The following MIER1 variants were observed in gnomAD, a reference collection of about 807,000 sequenced individuals.
MIER1 encodes the protein MIER1 transcriptional regulator.
MIER1 carries 40 observed loss-of-function variants against 75.7 expected under a neutral mutation model. That is an observed-to-expected ratio of 0.53 (90% confidence interval 0.41 to 0.69). The LOEUF (loss-of-function observed/expected upper bound fraction) is 0.69. MIER1 is among the 30% of genes least tolerant of loss of function. The probability of loss-of-function intolerance (pLI) is 0.00; values close to 1 mark genes in which losing one functional copy is unlikely to be tolerated. For synonymous variants in MIER1, 213 were observed against 223.4 expected, an observed-to-expected ratio of 0.95 and a Z score of 0.42; for missense variants, 574 against 680.2, an observed-to-expected ratio of 0.84 and a Z score of 1.74.
rs763345140 is a variant in MIER1 at position 66,981,905 on chromosome 1, T to G, written c.1356T>G (p.Thr452=). The change falls in exon 13 of 14, where the codon ACT becomes ACG. Residue 452 remains threonine (T), a synonymous_variant. Transcript: ENST00000401041. The part of the protein sequence containing the change: ...QSEKEDGTVS[T]ANQNGVSSNG... ...AGAAAGAAGATGGCACTGTAAGCAC[T>G]GCTAATCAAAATGGTAAGCAACCAG... is the stretch of plus-strand genomic sequence containing the variant. The G allele has an allele frequency of 4.3e-6, 7 of 1,613,708 alleles. No individual in the cohort carries two copies. In the Admixed American group the frequency reaches 1.0e-4, roughly 23 times the overall value.
chr1:66,926,230 G>A lies in MIER1; in HGVS notation c.156G>A (p.Thr52=). Residue 52 remains threonine (T), a synonymous_variant, in exon 2 of 14, where the codon ACG becomes ACA. Transcript: ENST00000401041. ...TNWLRFNADK[T]DVMLPSVESS... The stretch of plus-strand genomic sequence containing the variant: ...GGTTGAGGTTCAATGCAGACAAGAC[G>A]GATGTGATGCTGGTAGGCAGGGGTA... 6.2e-7 allele frequency: 1 copy of A among 1,612,882 alleles called. No homozygotes were observed. Among genetic ancestry groups the A allele is most frequent in the African/African-American group, 1.3e-5 (1 of 75,000 alleles).
intron 10 of MIER1, among the ~76,000 whole-genome samples, 167 bp from the exon 11 acceptor site, chr1:66,972,730 A>G (rs983959241): frequency 6.6e-6 from 1 of 152,058 alleles, no homozygotes; most frequent in Non-Finnish European, 1.5e-5. Context: ...AAATCTTATT[A>G]AATAAGGAAT....
intron 8 of MIER1, among the ~76,000 whole-genome samples, chr1:66,970,100 T>A (rs1228366374): frequency 6.7e-6 from 1 of 149,206 alleles, no homozygotes; most frequent in Admixed American, 6.6e-5. Flanking sequence ...CATTTGGAAT[T>A]CCACAGGCTT....
intron 12 of MIER1, among the ~76,000 whole-genome samples, chr1:66,978,209 A>G (rs12040556): frequency 4.7e-5 from 7 of 149,464 alleles, no homozygotes; most frequent in Admixed American, 1.3e-4. Context: ...AAAAAAAAAA[A>G]AAAGATGTGC....
intron 4 of MIER1, among the ~76,000 whole-genome samples, chr1:66,949,652 C>G (rs1658467133): frequency 6.6e-6 from 1 of 152,142 alleles, no homozygotes; most frequent in African/African-American, 2.4e-5. Flanking sequence ...GTTGGATTTC[C>G]TAGAGTTATT....
chr1:66,931,386 C>T (rs1244490257), intron 2 of MIER1, among the ~76,000 whole-genome samples: 1 of 152,014 alleles, frequency 6.6e-6, no homozygotes, highest in Non-Finnish European at 1.5e-5. Context: ...TTCTTTATTC[C>T]TGAGAGTTCG....
chr1:66,984,033 C>T (rs1225324790), intron 13 of MIER1, among the ~76,000 whole-genome samples: 1 of 152,168 alleles, frequency 6.6e-6, no homozygotes, highest in Non-Finnish European at 1.5e-5. Context: ...CTTGTGTGAT[C>T]TTTTAAAGTA....
Position 66,950,504 on chromosome 1 carries a change from A to G in MIER1, c.339+4209A>G, listed in dbSNP as rs985291856. On this transcript the variant is annotated intron_variant, in intron 4 of 13. Coordinates refer to ENST00000401041, the MANE Select transcript of MIER1 (RefSeq NM_001077700.3). The stretch of plus-strand genomic sequence containing the variant: ...AACTCAGAGACTCTAAATGGGCACA[A>G]TTGTGGCAGTCCATTTGGGAAAAGA... 4.6e-5 allele frequency among the ~76,000 whole-genome samples: 7 copies of G among 152,204 alleles called. No homozygotes were observed. In the East Asian group the frequency reaches 1.3e-3, roughly 29 times the overall value.
At chr1:66,958,365 A>G (rs1337926439) in intron 5 of MIER1, 145 bp downstream of exon 5, 1 of 551,474 alleles carries the variant, frequency 1.8e-6, no homozygotes, top group African/African-American at 2.0e-5. Flanking sequence ...AATACATAAT[A>G]TAAAAATTGG....
intron 13 of MIER1, among the ~76,000 whole-genome samples, chr1:66,982,408 C>T (rs1298281419): frequency 2.0e-5 from 3 of 152,078 alleles, no homozygotes; most frequent in Non-Finnish European, 4.4e-5. Context: ...TAATATTCTA[C>T]AGAAATATTT....
At chr1:66,942,237 T>C (rs1570181956) in intron 3 of MIER1, among the ~76,000 whole-genome samples, 1 of 152,214 alleles carries the variant, frequency 6.6e-6, no homozygotes, top group East Asian at 1.9e-4. Context: ...GCTATATCCT[T>C]TGTAGCATCT....
At chr1:66,952,803 A>G (rs547767548) in intron 4 of MIER1, among the ~76,000 whole-genome samples, 2 of 152,046 alleles carry the variant, frequency 1.3e-5, no homozygotes, top group Non-Finnish European at 2.9e-5. Context: ...TGCCACACCC[A>G]GCTAATTCTT....
intron 3 of MIER1, among the ~76,000 whole-genome samples, chr1:66,945,625 G>A (rs538905149): frequency 5.9e-5 from 9 of 152,212 alleles, no homozygotes; most frequent in Admixed American, 1.3e-4. Flanking sequence ...ACTTTGGGAC[G>A]CCAAGGCAGG....
chr1:66,965,536 G>A (rs1338817612), intron 8 of MIER1, among the ~76,000 whole-genome samples: 1 of 151,932 alleles, frequency 6.6e-6, no homozygotes, highest in African/African-American at 2.4e-5. Flanking sequence ...ATTTTTGTGG[G>A]TACATAGTAG....
At chr1:66,955,187 CAT>C (rs1290539848) in intron 4 of MIER1, among the ~76,000 whole-genome samples, 36 of 152,186 alleles carry the variant, frequency 2.4e-4, no homozygotes, top group Admixed American at 4.6e-4. Flanking sequence ...AGCTGGATAT[CAT>C]ATGTCATACG....
chr1:66,986,645 A>G lies in MIER1; in HGVS notation c.*1745A>G, dbSNP rs1666820991. The G allele has an allele frequency of 3.6e-6, 2 of 557,634 alleles. No homozygotes were observed. Among genetic ancestry groups the G allele is most frequent in the East Asian group, 5.7e-5 (2 of 35,306 alleles). The allele number at this position is 557,634 out of a possible 1,614,324, so 34.5% of individuals were successfully genotyped here. Reference sequence around the variant, plus strand: ...ACTTTTTTTCCCAAACAGTGTTAAAAGCCACTTTGCAACACTTGACTTCAT... The same window carrying G: ...ACTTTTTTTCCCAAACAGTGTTAAAGGCCACTTTGCAACACTTGACTTCAT... On this transcript the variant is annotated 3_prime_UTR_variant, in exon 14 of 14. Transcript: ENST00000401041.
Position 66,985,380 on chromosome 1 carries a change from A to C in MIER1, c.*480A>C, listed in dbSNP as rs1450083877. On this transcript the variant is annotated 3_prime_UTR_variant, in exon 14 of 14. Coordinates refer to ENST00000401041, the MANE Select transcript of MIER1 (RefSeq NM_001077700.3). ...AAAACAGACATTTTTCTCACCAAAC[A>C]GTTTGAGTATCTTTATTAAGGAAAC... The C allele has an allele frequency of 2.0e-6, 2 of 984,490 alleles. No homozygotes were observed. The highest frequency in any genetic ancestry group is 2.4e-6 in the Non-Finnish European group (2 of 829,088). The allele number at this position is 984,490 out of a possible 1,614,324, so 61.0% of individuals were successfully genotyped here.
At chr1:66,937,023 G>C (rs2985820) in intron 2 of MIER1, among the ~76,000 whole-genome samples, 1 of 141,160 alleles carries the variant, frequency 7.1e-6, no homozygotes, top group Non-Finnish European at 1.6e-5. Context: ...AAAAAAAAGA[G>C]AAAAAGAAAA....
At chr1:66,939,889 C>A in intron 2 of MIER1, 139 bp from the exon 3 acceptor site, 1 of 601,890 alleles carries the variant, frequency 1.7e-6, no homozygotes, top group Non-Finnish European at 2.9e-6. Context: ...TTGGAAAATG[C>A]AGACATTAAA....
Sources: gnomAD v4.1 joint callset for allele counts (sites outside exome capture counted in the v4.1 genomes callset) on GRCh38, gnomAD v4.1.1 for gene constraint, MANE v1.5 for transcripts, NCBI Gene and HGNC (gene_info 2026-07-23, HGNC 2026-07-21) for gene names.